The following MYH10 variants were observed in gnomAD, a reference collection of about 807,000 sequenced individuals.
MYH10 encodes myosin-10.
Under a neutral mutation model 257.8 loss-of-function variants are expected in MYH10, and 55 were observed. The observed-to-expected ratio is 0.21, with a 90% CI of 0.17 to 0.27. The LOEUF (loss-of-function observed/expected upper bound fraction) is 0.27, where lower values mean the gene tolerates loss of function less well. Ranked by LOEUF, MYH10 falls within the 10% of genes least tolerant of loss-of-function variation. The pLI, the probability that MYH10 is intolerant of heterozygous loss-of-function variation, is 1.00. For synonymous variants in MYH10, 854 were observed against 921.7 expected (o/e 0.93, Z 1.33); for missense variants, 1,631 against 2,500.6 (o/e 0.65, Z 7.42).
chr17:8,505,773 G>A (rs1353478061), intron 27 of MYH10, among the ~76,000 whole-genome samples: 4 of 152,166 alleles, frequency 2.6e-5, no homozygotes, highest in African/African-American at 9.7e-5. Flanking sequence ...TTGGGGTCAG[G>A]AGTTTGGGAC....
chr17:8,481,948 C>G (rs1243771158), intron 37 of MYH10, among the ~76,000 whole-genome samples: 1 of 152,168 alleles, frequency 6.6e-6, no homozygotes, highest in Non-Finnish European at 1.5e-5. Flanking sequence ...AGCTGGGCCT[C>G]TAAGGTGGGC....
chr17:8,514,037 A>C, intron 21 of MYH10, 143 bp from the exon 22 acceptor site: 1 of 773,108 alleles, frequency 1.3e-6, no homozygotes, highest in East Asian at 2.7e-5. Flanking sequence ...GGTGAGACGC[A>C]CAAGGAAGCC....
intron 1 of MYH10, among the ~76,000 whole-genome samples, chr17:8,629,642 G>A (rs924208302): frequency 1.4e-4 from 21 of 152,134 alleles, no homozygotes; most frequent in African/African-American, 4.8e-4. Flanking sequence ...CGATTTTATG[G>A]GATCAGGGTG....
In MYH10 at chr17:8,605,351, T is replaced by A. The variant is rs577824697; in HGVS notation, c.346-369A>T. Among the ~76,000 whole-genome samples, 22 of 152,366 alleles carry A rather than the reference T, an allele frequency of 1.4e-4. No homozygotes were observed. The East Asian group carries it at 3.7e-3, about 25-fold the overall frequency. On this transcript the variant is annotated intron_variant, in intron 2 of 42. Coordinates refer to ENST00000360416, the MANE Select transcript of MYH10 (RefSeq NM_001256012.3). ...CTATGAAAAGCTCGTTAATGCAGTT[T>A]CAGATTCCATATTGCAATTAATCTT...
intron 2 of MYH10, among the ~76,000 whole-genome samples, chr17:8,613,993 C>T (rs1366847640): frequency 6.6e-6 from 1 of 151,978 alleles, no homozygotes; most frequent in Non-Finnish European, 1.5e-5. Flanking sequence ...CCATGATTTG[C>T]CAGAAAGACA....
At position 8,580,827 on chromosome 17, in the gene MYH10, G is replaced by A. The variant is rs193087758; in HGVS notation, c.531-3489C>T. Among the ~76,000 whole-genome samples the A allele has an allele frequency of 2.0e-5, 3 of 152,166 alleles. No individual in the cohort carries two copies. The East Asian group carries it at 5.8e-4, about 29-fold the overall frequency. ...GAGTCCATGTCCTTGTGGGGTGCAA[G>A]GTTAGAAGAACATACATAAAATAAA... On this transcript the variant is annotated intron_variant, in intron 4 of 42. Transcript: ENST00000360416.
Position 8,492,993 on chromosome 17 carries a change from T to G in MYH10, c.4241A>C (p.Asp1414Ala). Residue 1414 changes from aspartate to alanine, a missense_variant, in exon 33 of 43, where the codon GAC becomes GCC. Around this residue, in one of 11 missense-constraint regions of MYH10, gnomAD observed 463 missense variants for 621.8 expected, o/e 0.74. Transcript: ENST00000360416. The part of the protein sequence containing the change: ...LADTKKKVDD[D>A]LGTIESLEEA... Reference sequence around the variant, plus strand: ...TTCCAGACTTTCAATTGTTCCCAGGTCGTCATCTACTTTCTTCTTGGTATC... The same window carrying G: ...TTCCAGACTTTCAATTGTTCCCAGGGCGTCATCTACTTTCTTCTTGGTATC... 1 of 1,613,860 alleles carries G rather than the reference T, an allele frequency of 6.2e-7. No homozygotes were observed. Among genetic ancestry groups the G allele is most frequent in the Non-Finnish European group, 8.5e-7 (1 of 1,180,004 alleles).
intron 37 of MYH10, among the ~76,000 whole-genome samples, chr17:8,482,000 T>G (rs1213769680): frequency 6.6e-6 from 1 of 152,110 alleles, no homozygotes; most frequent in South Asian, 2.1e-4. Flanking sequence ...CACAGGGGGC[T>G]CTCAGAGGAC....
chr17:8,492,794 C>T lies in MYH10; in HGVS notation c.4440G>A (p.Lys1480=). The T allele has an allele frequency of 1.2e-6, 2 of 1,613,834 alleles. No homozygotes were observed. Among genetic ancestry groups the T allele is most frequent in the South Asian group, 2.2e-5 (2 of 91,066 alleles). ...QRQVASNLEK[K]QKKFDQLLAE... ...GACCCACCTGGTCAAACTTCTTCTG[C>T]TTCTTCTCCAAGTTGGAGGCGACCT... Residue 1480 remains lysine, a synonymous_variant, in exon 33 of 43, where the codon AAG becomes AAA. Transcript: ENST00000360416.
rs141382448 is a variant in MYH10 at position 8,589,788 on chromosome 17, A to G, written c.503-680T>C. Among the ~76,000 whole-genome samples, 529 of 152,374 alleles carry G rather than the reference A, an allele frequency of 3.5e-3. 3 individuals are homozygous for G. The highest frequency in any genetic ancestry group is 0.017 in the Middle Eastern group (5 of 294). ...AAGGATCCAACTAAAATTTTCAAAT[A>G]AAAAGGTGAAAATCAAACCACTATC... On this transcript the variant is annotated intron_variant, in intron 3 of 42. Transcript: ENST00000360416.
intron 7 of MYH10, among the ~76,000 whole-genome samples, chr17:8,554,589 G>A (rs2091564494): frequency 1.3e-5 from 2 of 151,976 alleles, no homozygotes; most frequent in Admixed American, 6.6e-5. Context: ...GAGGAAAATC[G>A]TGATTATTTC....
At chr17:8,480,043 AT>A (rs1913428383) in intron 40 of MYH10, 66 bp downstream of exon 40, 1 of 1,521,884 alleles carries the variant, frequency 6.6e-7, no homozygotes. Flanking sequence ...CGAAAGGGGC[AT>A]GCCTGTTTTG....
chr17:8,480,958 G>GAATTGGAAAAAAAGA (rs1913653804), intron 38 of MYH10, among the ~76,000 whole-genome samples: 1 of 150,962 alleles, frequency 6.6e-6, no homozygotes, highest in Non-Finnish European at 1.5e-5. Flanking sequence ...GTTCAGTTCA[G>GAATTGGAAAAAAAGA]TAATGACTTT....
chr17:8,531,122 T>C (rs1457558202), intron 16 of MYH10, among the ~76,000 whole-genome samples: 2 of 152,192 alleles, frequency 1.3e-5, no homozygotes, highest in Admixed American at 6.5e-5. Context: ...TGCTGTGTAA[T>C]TAATTTTACT....
At chr17:8,521,359 A>C in intron 17 of MYH10, 74 bp from the exon 18 acceptor site, 1 of 1,468,838 alleles carries the variant, frequency 6.8e-7, no homozygotes, top group Non-Finnish European at 9.5e-7. Context: ...GACACAGTGA[A>C]AGTGCAGCAG....
chr17:8,500,093 G>A (rs1373513632), intron 29 of MYH10, among the ~76,000 whole-genome samples: 3 of 152,222 alleles, frequency 2.0e-5, no homozygotes, highest in East Asian at 1.9e-4. Context: ...AAGGCAACTC[G>A]TGTAGGGTAC....
Position 8,509,848 on chromosome 17 carries a change from A to C in MYH10, c.3054T>G (p.Ile1018Met), listed in dbSNP as rs748806975. ...TGGAATTTTGGTCCTCGAGAAGCAG[A>C]ATCTCCTCTTCCATCTTCTTGATCT... is the stretch of plus-strand genomic sequence containing the variant. Reference protein sequence around the residue: ...EAKIKKMEEEILLLEDQNSKF... With the variant: ...EAKIKKMEEEMLLLEDQNSKF... Residue 1018 changes from isoleucine (I) to methionine (M), a missense_variant, in exon 25 of 43, where the codon ATT becomes ATG. Coordinates refer to ENST00000360416, the MANE Select transcript of MYH10 (RefSeq NM_001256012.3). The C allele has an allele frequency of 3.1e-6, 5 of 1,610,522 alleles. No individual in the cohort carries two copies. The South Asian group carries it at 5.5e-5, about 18-fold the overall frequency.
intron 24 of MYH10, among the ~76,000 whole-genome samples, chr17:8,510,213 AT>A (rs1010905136): frequency 6.8e-5 from 10 of 146,428 alleles, no homozygotes; most frequent in Non-Finnish European, 9.1e-5. Flanking sequence ...TAATTTTTTG[AT>A]TTTTTTTTTG....
rs56144668 is a variant in MYH10 at position 8,511,015 on chromosome 17, C to CAT, written c.2953-1068_2953-1067dup. ...CTGTATCAAAACATCTCATGTACCC[C>CAT]ATATATATATATATATATATATATA... On this transcript the variant is annotated intron_variant, in intron 24 of 42. Coordinates refer to ENST00000360416, the MANE Select transcript of MYH10 (RefSeq NM_001256012.3). The CAT allele has an allele frequency of 2.6e-3, 318 of 120,220 alleles. 2 individuals are homozygous for CAT. The highest frequency in any genetic ancestry group is 0.012 in the African/African-American group (297 of 25,700). The allele number at this position is 120,220 out of a possible 1,614,324, so 7.4% of individuals were successfully genotyped here.
Sources: allele counts gnomAD v4.1 joint callset (sites outside exome capture counted in the v4.1 genomes callset), GRCh38; gene constraint gnomAD v4.1.1; regional missense constraint gnomAD v4.1.1; transcripts MANE v1.5; gene names NCBI Gene and HGNC (gene_info 2026-07-23, HGNC 2026-07-21).